MYO6: variants seen among roughly 807,000 people sequenced by gnomAD.
MYO6 encodes unconventional myosin-VI.
Under a neutral mutation model 178.7 loss-of-function variants are expected in MYO6, and 74 were observed. The ratio of observed to expected loss-of-function variants is 0.41; its 90% confidence interval spans 0.34 to 0.50. The LOEUF (loss-of-function observed/expected upper bound fraction) is 0.50. MYO6 is among the 20% of genes least tolerant of loss of function. MYO6 has a pLI of 0.09. For missense variants in MYO6, 1,330 were observed against 1,547.4 expected, an observed-to-expected ratio of 0.86 and a Z score of 2.36; for synonymous variants, 477 against 504.6, an observed-to-expected ratio of 0.95 and a Z score of 0.73.
At position 75,892,554 on chromosome 6, in the gene MYO6, C is replaced by T; in HGVS notation, c.2971C>T (p.Arg991Ter). ...IQAEVEAQLA[R>*]QKEEESQQQA... ...GGCTGAAGTGGAGGCACAGCTGGCCCGACAGAAGGAGGAGGAATCCCAACA... is the reference window on the plus strand; with the variant it reads ...GGCTGAAGTGGAGGCACAGCTGGCCTGACAGAAGGAGGAGGAATCCCAACA... The change falls in exon 28 of 35, where the codon CGA becomes TGA. Residue 991 changes from arginine (R) to a stop codon, truncating the protein, a stop_gained. Transcript: ENST00000369977. LOFTEE classifies it high-confidence loss of function. 6.2e-7 allele frequency: 1 copy of T among 1,613,832 alleles called. No individual in the cohort carries two copies. The highest frequency in any genetic ancestry group is 8.5e-7 in the Non-Finnish European group (1 of 1,180,010).
chr6:75,802,736 C>A (rs936749610), intron 1 of MYO6, among the ~76,000 whole-genome samples: 1 of 152,082 alleles, frequency 6.6e-6, no homozygotes, highest in Non-Finnish European at 1.5e-5. Flanking sequence ...ATCTCTCCAG[C>A]TTGGCCTCTC....
intron 32 of MYO6, among the ~76,000 whole-genome samples, chr6:75,910,336 A>G (rs1780669597): frequency 6.6e-6 from 1 of 152,164 alleles, no homozygotes; most frequent in Non-Finnish European, 1.5e-5. Flanking sequence ...CACTTCTTAA[A>G]AAGAGGTTCA....
intron 13 of MYO6, among the ~76,000 whole-genome samples, chr6:75,858,291 A>T (rs1181692206): frequency 6.6e-6 from 1 of 152,160 alleles, no homozygotes; most frequent in Non-Finnish European, 1.5e-5. Context: ...CTTAATTTAG[A>T]TTGCTTTAAT....
At chr6:75,901,398 C>G (rs962179471) in intron 30 of MYO6, among the ~76,000 whole-genome samples, 3 of 152,042 alleles carry the variant, frequency 2.0e-5, no homozygotes, top group African/African-American at 7.2e-5. Context: ...CTTTTATTTC[C>G]TTGAGCAGTG....
At chr6:75,755,581 TA>T (rs1777278497) in intron 1 of MYO6, among the ~76,000 whole-genome samples, 1 of 152,134 alleles carries the variant, frequency 6.6e-6, no homozygotes, top group African/African-American at 2.4e-5. Context: ...AACAATTAGT[TA>T]AAAAAAGGAA....
intron 14 of MYO6, 113 bp from the exon 15 acceptor site, chr6:75,860,910 C>T: frequency 1.2e-6 from 1 of 820,798 alleles, no homozygotes; most frequent in Non-Finnish European, 2.1e-6. Context: ...AAGGCTATAC[C>T]AGTTTGTATA....
intron 14 of MYO6, among the ~76,000 whole-genome samples, chr6:75,860,157 T>C (rs1485043763): frequency 6.6e-6 from 1 of 152,238 alleles, no homozygotes; most frequent in Admixed American, 6.5e-5. Flanking sequence ...AAATGTGCAA[T>C]CATTTTATTT....
chr6:75,866,685 G>A (rs1776732971), intron 17 of MYO6, 64 bp downstream of exon 17: 2 of 1,357,688 alleles, frequency 1.5e-6, no homozygotes, highest in Non-Finnish European at 2.1e-6. Flanking sequence ...CAGTATGATA[G>A]CTTCTAGTCA....
At chr6:75,794,141 AATAT>A (rs1452663859) in intron 1 of MYO6, among the ~76,000 whole-genome samples, 5 of 152,186 alleles carry the variant, frequency 3.3e-5, no homozygotes, top group Non-Finnish European at 5.9e-5. Flanking sequence ...TAAAGGGATA[AATAT>A]ATAGGTAATA....
chr6:75,859,629 A>G (rs1776021941), intron 14 of MYO6, among the ~76,000 whole-genome samples: 1 of 140,124 alleles, frequency 7.1e-6, no homozygotes, highest in Non-Finnish European at 1.5e-5. Flanking sequence ...ACACCAAACA[A>G]CCTTCTACCC....
At chr6:75,765,239 C>T (rs1425126756) in intron 1 of MYO6, among the ~76,000 whole-genome samples, 2 of 114,714 alleles carry the variant, frequency 1.7e-5, no homozygotes, top group African/African-American at 6.9e-5. Flanking sequence ...TGCAGTGGTG[C>T]AATCTCAGCT....
At chr6:75,896,394 G>T (rs1027883602) in intron 29 of MYO6, among the ~76,000 whole-genome samples, 11 of 152,220 alleles carry the variant, frequency 7.2e-5, no homozygotes, top group Non-Finnish European at 2.9e-5. Context: ...GAATCACCAC[G>T]AATGCTGTAT....
chr6:75,810,200 G>T (rs1467793584), intron 1 of MYO6, among the ~76,000 whole-genome samples: 1 of 151,880 alleles, frequency 6.6e-6, no homozygotes, highest in African/African-American at 2.4e-5. Context: ...GACCTTAAAA[G>T]ATGTCAGACT....
In MYO6 at chr6:75,905,123, C is replaced by G. The variant is rs181861181; in HGVS notation, c.3177-2482C>G. On this transcript the variant is annotated intron_variant, in intron 30 of 34. Coordinates refer to ENST00000369977, the MANE Select transcript of MYO6 (RefSeq NM_004999.4). ...TGCGTCCTGGGAGAACCACTGCTCT[C>G]TTCAAGGCTGTCAGACAGGGACATT... 4.5e-3 allele frequency among the ~76,000 whole-genome samples: 682 copies of G among 152,326 alleles called. 3 individuals are homozygous for G. Among genetic ancestry groups the G allele is most frequent in the Non-Finnish European group, 7.6e-3 (517 of 68,022 alleles).
intron 18 of MYO6, among the ~76,000 whole-genome samples, chr6:75,869,208 A>G (rs903915366): frequency 6.7e-6 from 1 of 150,112 alleles, no homozygotes; most frequent in African/African-American, 2.5e-5. Flanking sequence ...CAGATTGATT[A>G]CGGTTGTCAG....
intron 1 of MYO6, among the ~76,000 whole-genome samples, chr6:75,816,724 T>C (rs1004611802): frequency 1.3e-5 from 2 of 152,226 alleles, no homozygotes; most frequent in African/African-American, 4.8e-5. Context: ...TAATAATCTC[T>C]CTTTTTATCC....
intron 34 of MYO6, 89 bp downstream of exon 34, chr6:75,914,370 T>A: frequency 7.7e-7 from 1 of 1,299,944 alleles, no homozygotes; most frequent in Non-Finnish European, 1.1e-6. Context: ...AATATAATAA[T>A]TTATTACATT....
At chr6:75,847,503 G>C (rs1774839750) in intron 10 of MYO6, among the ~76,000 whole-genome samples, 1 of 149,528 alleles carries the variant, frequency 6.7e-6, no homozygotes, top group African/African-American at 2.5e-5. Context: ...AGTTTCTGCA[G>C]TCCTGACTTT....
chr6:75,777,575 G>A (rs1405418993), intron 1 of MYO6, among the ~76,000 whole-genome samples: 1 of 151,812 alleles, frequency 6.6e-6, no homozygotes, highest in Non-Finnish European at 1.5e-5. Flanking sequence ...CTACAGGTAT[G>A]CGCCACCACA....
Sources: allele counts gnomAD v4.1 joint callset (sites outside exome capture counted in the v4.1 genomes callset), GRCh38; gene constraint gnomAD v4.1.1; transcripts MANE v1.5; gene names NCBI Gene and HGNC (gene_info 2026-07-23, HGNC 2026-07-21).